The following CCR3 variants were observed in gnomAD, a reference collection of about 807,000 sequenced individuals.
The protein encoded by CCR3 is C-C chemokine receptor type 3.
For missense variants in CCR3, 419 were observed against 437.5 expected, an observed-to-expected ratio of 0.96 and a Z score of 0.38; for synonymous variants, 203 against 179.2, an observed-to-expected ratio of 1.13 and a Z score of -1.06.
At chr3:46,256,816 T>A (rs1575507911) in intron 1 of CCR3, among the ~76,000 whole-genome samples, 1 of 152,228 alleles carries the variant, frequency 6.6e-6, no homozygotes, top group Non-Finnish European at 1.5e-5. Context: ...ATGAGATCAA[T>A]CGAGAATCAT....
intron 1 of CCR3, chr3:46,263,649 G>T: frequency 6.6e-6 from 1 of 152,182 alleles, no homozygotes; most frequent in Non-Finnish European, 1.5e-5. Context: ...AGCTTTTTCT[G>T]GTTTCAAATG....
chr3:46,227,894 T>C (rs1212593616), intron 2 of CCR3, among the ~76,000 whole-genome samples: 1 of 152,186 alleles, frequency 6.6e-6, no homozygotes, highest in African/African-American at 2.4e-5. Flanking sequence ...CTTGGCATAA[T>C]TTTAATGAAA....
At chr3:46,223,310 A>G (rs1559525510) in intron 2 of CCR3, among the ~76,000 whole-genome samples, 2 of 152,250 alleles carry the variant, frequency 1.3e-5, no homozygotes, top group Admixed American at 1.3e-4. Context: ...ACTGCACTCC[A>G]GCCTGGGTGA....
chr3:46,242,132 TA>T (rs34767191), upstream of CCR3, among the ~76,000 whole-genome samples: 29,664 of 141,710 alleles, frequency 0.21, 3,061 homozygotes, highest in East Asian at 0.3. Flanking sequence ...AATCCTGTCT[TA>T]AAAAAAAAAA....
intron 2 of CCR3, among the ~76,000 whole-genome samples, chr3:46,233,727 T>C (rs1559528107): frequency 6.6e-6 from 1 of 152,328 alleles, no homozygotes; most frequent in East Asian, 1.9e-4. Context: ...CGAGCCATTC[T>C]GGACCTTGGG....
chr3:46,265,352 T>G lies in CCR3; in HGVS notation c.194T>G (p.Leu65Arg). The G allele has an allele frequency of 2.5e-6, 4 of 1,614,136 alleles. No individual in the cohort carries two copies. The highest frequency in any genetic ancestry group is 3.4e-6 in the Non-Finnish European group (4 of 1,180,008). Reference protein sequence around the residue: ...VVMILIKYRRLRIMTNIYLLN... With the variant: ...VVMILIKYRRRRIMTNIYLLN... ...ATGATCCTCATAAAATACAGGAGGC[T>G]CCGAATTATGACCAACATCTACCTG... Residue 65 changes from leucine to arginine, a missense_variant, in exon 2 of 2, where the codon CTC becomes CGC. By Grantham distance (102) the Leu-to-Arg change is moderately radical. Transcript: ENST00000395940.
chr3:46,263,937 C>G (rs780349256), intron 1 of CCR3: 1 of 154,664 alleles, frequency 6.5e-6, no homozygotes, highest in Non-Finnish European at 1.4e-5. Flanking sequence ...TCAGATTTAC[C>G]TTGAGAAATG....
chr3:46,251,373 T>C (rs1700307943), intron 1 of CCR3, among the ~76,000 whole-genome samples: 2 of 151,726 alleles, frequency 1.3e-5, no homozygotes, highest in South Asian at 4.2e-4. Context: ...AAGGGAGAGA[T>C]TGAAGTGTGG....
At chr3:46,251,414 G>A (rs1336441581) in intron 1 of CCR3, among the ~76,000 whole-genome samples, 2 of 152,164 alleles carry the variant, frequency 1.3e-5, no homozygotes, top group Admixed American at 1.3e-4. Flanking sequence ...AGAGGTTGAG[G>A]GATAGTGAGG....
chr3:46,211,381 A>G lies in CCR3; in HGVS notation c.-68+474A>G, dbSNP rs112083917. ...ACCTGGCTAATTTGAAAAAATATGT[A>G]TATATATATATATATATTTTTTGTA... On this transcript the variant is annotated intron_variant, in intron 2 of 3. Coordinates refer to the CCR3 transcript ENST00000357422. Among the ~76,000 whole-genome samples, 350 of 143,652 alleles carry G rather than the reference A, an allele frequency of 2.4e-3. 2 individuals are homozygous for G. Among genetic ancestry groups the G allele is most frequent in the African/African-American group, 7.4e-3 (291 of 39,326 alleles). The allele number at this position is 143,652 out of a possible 152,430, so 94.2% of individuals were successfully genotyped here. A position where few individuals can be genotyped will look rare whatever the true frequency, so the allele number is the denominator to read the frequency against.
chr3:46,237,182 G>A (rs1179807660), intron 2 of CCR3, among the ~76,000 whole-genome samples: 1 of 152,158 alleles, frequency 6.6e-6, no homozygotes, highest in East Asian at 1.9e-4. Context: ...TAAACACGGT[G>A]GTGCAGTATC....
At chr3:46,264,671 T>G (rs1305662379) in intron 1 of CCR3, 2 of 501,842 alleles carry the variant, frequency 4.0e-6, no homozygotes, top group Non-Finnish European at 6.9e-6. Flanking sequence ...AGAAGCATAA[T>G]TACTTGTAAT....
chr3:46,214,673 C>T (rs1699753497), intron 2 of CCR3, among the ~76,000 whole-genome samples: 1 of 152,058 alleles, frequency 6.6e-6, no homozygotes, highest in Admixed American at 6.5e-5. Flanking sequence ...GATAAAACAG[C>T]CACTTGTGAG....
At chr3:46,250,146 A>C (rs1368535404) in intron 1 of CCR3, among the ~76,000 whole-genome samples, 2 of 151,522 alleles carry the variant, frequency 1.3e-5, no homozygotes, top group Non-Finnish European at 1.5e-5. Context: ...ATAAAGAAAA[A>C]GGAGCATTAA....
At chr3:46,253,239 A>G (rs895719793) in intron 1 of CCR3, among the ~76,000 whole-genome samples, 2 of 152,154 alleles carry the variant, frequency 1.3e-5, no homozygotes, top group Non-Finnish European at 2.9e-5. Context: ...AGCTCACTCA[A>G]GACCTCACAT....
chr3:46,219,136 G>T (rs1699806835), intron 2 of CCR3, among the ~76,000 whole-genome samples: 1 of 152,056 alleles, frequency 6.6e-6, no homozygotes, highest in Non-Finnish European at 1.5e-5. Context: ...AAAGTTTCAG[G>T]ATACAAAATC....
intron 1 of CCR3, among the ~76,000 whole-genome samples, chr3:46,260,615 A>C (rs1160997833): frequency 1.5e-4 from 23 of 152,254 alleles, no homozygotes; most frequent in Admixed American, 1.5e-3. Flanking sequence ...GGTTATGCAG[A>C]TGTAAGAGGT....
At chr3:46,225,951 A>G (rs1453854528) in intron 2 of CCR3, among the ~76,000 whole-genome samples, 5 of 152,198 alleles carry the variant, frequency 3.3e-5, no homozygotes, top group Non-Finnish European at 7.3e-5. Flanking sequence ...CTATCCCTCC[A>G]TTTAATGGCT....
At chr3:46,245,552 T>C (rs1700173388) in intron 1 of CCR3, among the ~76,000 whole-genome samples, 3 of 151,798 alleles carry the variant, frequency 2.0e-5, no homozygotes, top group Admixed American at 6.6e-5. Flanking sequence ...AATATGATTA[T>C]TTTCCTTTTT....
Sources: gnomAD v4.1 joint callset for allele counts (sites outside exome capture counted in the v4.1 genomes callset) on GRCh38, gnomAD v4.1.1 for gene constraint, MANE v1.5 for transcripts, NCBI Gene and HGNC (gene_info 2026-07-23, HGNC 2026-07-21) for gene names.